The following TSHZ2 variants were observed in gnomAD, a reference collection of about 807,000 sequenced individuals.
The protein encoded by TSHZ2 is teashirt zinc finger homeobox 2.
Under a neutral mutation model 74.4 loss-of-function variants are expected in TSHZ2, and 21 were observed. The ratio of observed to expected loss-of-function variants is 0.28; its 90% confidence interval spans 0.20 to 0.41. The LOEUF is 0.41. Ranked by LOEUF, TSHZ2 falls within the 10% of genes least tolerant of loss-of-function variation. The probability of loss-of-function intolerance (pLI) is 1.00; values close to 1 mark genes in which losing one functional copy is unlikely to be tolerated. For synonymous variants in TSHZ2, 540 were observed against 515.3 expected, an observed-to-expected ratio of 1.05 and a Z score of -0.65; for missense variants, 1,244 against 1,293.5, an observed-to-expected ratio of 0.96 and a Z score of 0.59.
intron 2 of TSHZ2, among the ~76,000 whole-genome samples, chr20:53,295,415 CGTGT>C (rs767488393): frequency 2.1e-5 from 3 of 141,606 alleles, no homozygotes; most frequent in Admixed American, 7.1e-5. Flanking sequence ...TTTATGTATA[CGTGT>C]GTGTGTGTGT....
chr20:53,410,587 C>CATT (rs71194476), intron 2 of TSHZ2, among the ~76,000 whole-genome samples: 43,194 of 141,610 alleles, frequency 0.31, 6,653 homozygotes, highest in Middle Eastern at 0.43. Context: ...ATTATCGTCA[C>CATT]ATTATTATTA....
At chr20:53,151,030 C>T (rs942409660) in intron 1 of TSHZ2, among the ~76,000 whole-genome samples, 48 of 152,178 alleles carry the variant, frequency 3.2e-4, no homozygotes, top group African/African-American at 1.1e-3. Context: ...TAAATGTTAC[C>T]TTTCCCATTC....
chr20:53,356,379 C>G (rs1980848694), intron 2 of TSHZ2, among the ~76,000 whole-genome samples: 1 of 152,172 alleles, frequency 6.6e-6, no homozygotes, highest in African/African-American at 2.4e-5. Flanking sequence ...GAAAGTAGGA[C>G]TAGCTTCATA....
intron 1 of TSHZ2, among the ~76,000 whole-genome samples, chr20:53,079,402 C>G (rs561145998): frequency 6.6e-6 from 1 of 152,340 alleles, no homozygotes; most frequent in Non-Finnish European, 1.5e-5. Context: ...TTAACGTAGA[C>G]AGTGACATGT....
At chr20:53,412,321 TCC>T (rs1983082316) in intron 2 of TSHZ2, among the ~76,000 whole-genome samples, 1 of 152,206 alleles carries the variant, frequency 6.6e-6, no homozygotes, top group African/African-American at 2.4e-5. Flanking sequence ...ACAAGAAAGG[TCC>T]CAGCCCTGGA....
intron 1 of TSHZ2, among the ~76,000 whole-genome samples, chr20:53,088,464 T>C (rs1271864565): frequency 6.6e-6 from 1 of 152,206 alleles, no homozygotes; most frequent in African/African-American, 2.4e-5. Flanking sequence ...TAACTGATTA[T>C]GTGATTTGAA....
chr20:53,402,062 C>G (rs537266128), intron 2 of TSHZ2, among the ~76,000 whole-genome samples: 1 of 152,136 alleles, frequency 6.6e-6, no homozygotes. Flanking sequence ...GGATTACAGG[C>G]GTGAGCCACC....
At chr20:53,171,053 G>A (rs945153269) in intron 1 of TSHZ2, among the ~76,000 whole-genome samples, 2 of 151,712 alleles carry the variant, frequency 1.3e-5, no homozygotes, top group Non-Finnish European at 2.9e-5. Flanking sequence ...TTTAGACATC[G>A]AGTTTCATCT....
intron 2 of TSHZ2, among the ~76,000 whole-genome samples, chr20:53,372,628 T>A (rs1432573458): frequency 6.6e-6 from 1 of 152,230 alleles, no homozygotes; most frequent in African/African-American, 2.4e-5. Context: ...AACTTTCCTA[T>A]CTTTCCTTGA....
intron 1 of TSHZ2, among the ~76,000 whole-genome samples, chr20:53,148,686 TAAAG>T (rs1216158978): frequency 2.0e-5 from 3 of 152,158 alleles, no homozygotes; most frequent in Non-Finnish European, 2.9e-5. Context: ...AATATATAGA[TAAAG>T]AAAATGAAGA....
chr20:53,197,627 C>T (rs76102811), intron 1 of TSHZ2, among the ~76,000 whole-genome samples: 1,560 of 152,228 alleles, frequency 0.01, 26 homozygotes, highest in African/African-American at 0.036. Context: ...CGATACATTC[C>T]CCATTAGAAA....
chr20:53,004,955 A>G (rs1005283583), intron 1 of TSHZ2, among the ~76,000 whole-genome samples: 4 of 152,180 alleles, frequency 2.6e-5, no homozygotes, highest in Non-Finnish European at 2.9e-5. Context: ...AGTAAGTGAT[A>G]TAATAGAATC....
intron 2 of TSHZ2, among the ~76,000 whole-genome samples, chr20:53,340,177 C>CTTTCTTT (rs1555852081): frequency 1.1e-5 from 1 of 94,080 alleles, no homozygotes; most frequent in Non-Finnish European, 2.0e-5. Context: ...ACTTTTCTTT[C>CTTTCTTT]TTTTTTCTTT....
In TSHZ2 at chr20:53,047,368, C is replaced by G. The variant is rs191687736; in HGVS notation, c.40+74035C>G. Among the ~76,000 whole-genome samples, 77 of 152,204 alleles carry G rather than the reference C, an allele frequency of 5.1e-4. 1 individual carries two copies. The highest frequency in any genetic ancestry group is 1.7e-3 in the African/African-American group (72 of 41,540). ...ACCTTCTCTTTGGTTGCTCTGCCAC[C>G]GTAACACAAGGCTTCCTTCTGATGG... On this transcript the variant is annotated intron_variant, in intron 1 of 2. Transcript: ENST00000371497.
At chr20:53,002,877 C>A in intron 1 of TSHZ2, among the ~76,000 whole-genome samples, 1 of 152,166 alleles carries the variant, frequency 6.6e-6, no homozygotes, top group South Asian at 2.1e-4. Context: ...TCTTCATGTT[C>A]TGAAGAAATG....
intron 1 of TSHZ2, among the ~76,000 whole-genome samples, chr20:53,124,494 G>A (rs1413108627): frequency 2.0e-5 from 3 of 152,218 alleles, no homozygotes; most frequent in South Asian, 2.1e-4. Flanking sequence ...AGAGCTAAAT[G>A]CAAACCTAGC....
chr20:53,335,822 C>T (rs369095001), intron 2 of TSHZ2, among the ~76,000 whole-genome samples: 1,901 of 106,982 alleles, frequency 0.018, 41 homozygotes, highest in African/African-American at 0.076. Context: ...ATCTGCCAGG[C>T]GGCAAAATCT....
At chr20:53,397,457 A>T (rs1273917643) in intron 2 of TSHZ2, among the ~76,000 whole-genome samples, 2 of 152,262 alleles carry the variant, frequency 1.3e-5, no homozygotes, top group Non-Finnish European at 2.9e-5. Flanking sequence ...AATGGTGATC[A>T]TTAAAATGTC....
chr20:53,118,429 CAA>C (rs1284483761), intron 1 of TSHZ2, among the ~76,000 whole-genome samples: 1 of 151,910 alleles, frequency 6.6e-6, no homozygotes, highest in Non-Finnish European at 1.5e-5. Context: ...AAAAATAAAA[CAA>C]AAACTTACGA....
Sources: allele counts gnomAD v4.1 joint callset (sites outside exome capture counted in the v4.1 genomes callset), GRCh38; gene constraint gnomAD v4.1.1; transcripts MANE v1.5; gene names NCBI Gene and HGNC (gene_info 2026-07-23, HGNC 2026-07-21).